Variants in EPB41L2 observed in about 807,000 individuals in gnomAD.
EPB41L2 encodes the protein erythrocyte membrane protein band 4.1 like 2, also known as band 4.1-like protein 2.
EPB41L2 carries 43 observed loss-of-function variants against 113.0 expected under a neutral mutation model. The observed-to-expected ratio is 0.38, with a 90% confidence interval of 0.30 to 0.49. EPB41L2 has a LOEUF of 0.49. EPB41L2 is among the 20% of genes least tolerant of loss of function. The probability of loss-of-function intolerance (pLI) is 0.95; values close to 1 mark genes in which losing one functional copy is unlikely to be tolerated. For synonymous variants in EPB41L2, 442 were observed against 436.7 expected (o/e 1.01, Z -0.15); for missense variants, 1,147 against 1,223.4 (o/e 0.94, Z 0.93).
At chr6:130,962,190 T>C (rs1320324385) in intron 1 of EPB41L2, among the ~76,000 whole-genome samples, 2 of 152,172 alleles carry the variant, frequency 1.3e-5, no homozygotes, top group Admixed American at 6.5e-5. Context: ...AGCAGCCACC[T>C]AACTCTACTT....
At chr6:130,925,735 T>C (rs1562501260) in intron 4 of EPB41L2, among the ~76,000 whole-genome samples, 1 of 152,184 alleles carries the variant, frequency 6.6e-6, no homozygotes, top group Non-Finnish European at 1.5e-5. Context: ...CCTTATAATT[T>C]ACAGTCTAAA....
chr6:130,853,367 CCA>C (rs1779309645), intron 19 of EPB41L2, among the ~76,000 whole-genome samples: 1 of 152,178 alleles, frequency 6.6e-6, no homozygotes, highest in South Asian at 2.1e-4. Flanking sequence ...ACAGATCACA[CCA>C]CCAAGCCTGG....
chr6:131,035,189 A>ACAACCTCT (rs1793042593), intron 1 of EPB41L2, among the ~76,000 whole-genome samples: 1 of 152,242 alleles, frequency 6.6e-6, no homozygotes, highest in African/African-American at 2.4e-5. Flanking sequence ...AGACAGTTTC[A>ACAACCTCT]GGACTACTTA....
At position 131,048,850 on chromosome 6, in the gene EPB41L2, A is replaced by G. The variant is rs527326090; in HGVS notation, c.-15+14305T>C. On this transcript the variant is annotated intron_variant, in intron 1 of 19. Transcript: ENST00000337057. ...AAAAACACTTCGATAATCAGATACTACATGGCTTTAAAAAAACCTAACCAA... is the reference window on the plus strand; with the variant it reads ...AAAAACACTTCGATAATCAGATACTGCATGGCTTTAAAAAAACCTAACCAA... 7.2e-5 allele frequency among the ~76,000 whole-genome samples: 11 copies of G among 152,304 alleles called. 1 individual carries two copies. The South Asian group carries it at 1.9e-3, about 26-fold the overall frequency.
chr6:130,991,571 C>G (rs929574006), intron 1 of EPB41L2, among the ~76,000 whole-genome samples: 2 of 152,210 alleles, frequency 1.3e-5, no homozygotes, highest in Non-Finnish European at 2.9e-5. Flanking sequence ...TTCGTTAAAA[C>G]AGCAATGTCC....
chr6:130,975,793 G>T (rs1283734114), intron 1 of EPB41L2, among the ~76,000 whole-genome samples: 1 of 152,198 alleles, frequency 6.6e-6, no homozygotes, highest in African/African-American at 2.4e-5. Flanking sequence ...GGAGGCCAAG[G>T]TGGGTGGATC....
At chr6:130,996,890 T>G (rs1297346899) in intron 1 of EPB41L2, among the ~76,000 whole-genome samples, 1 of 152,146 alleles carries the variant, frequency 6.6e-6, no homozygotes, top group Non-Finnish European at 1.5e-5. Flanking sequence ...TTTCAAAAAT[T>G]TAAATAAAGT....
intron 14 of EPB41L2, among the ~76,000 whole-genome samples, chr6:130,876,041 T>C (rs933055177): frequency 2.0e-5 from 3 of 151,322 alleles, no homozygotes; most frequent in Admixed American, 6.6e-5. Flanking sequence ...ACTATTTCCA[T>C]GTCTCCTCCA....
At chr6:130,993,075 A>G (rs1334558218) in intron 1 of EPB41L2, among the ~76,000 whole-genome samples, 1 of 152,210 alleles carries the variant, frequency 6.6e-6, no homozygotes, top group Non-Finnish European at 1.5e-5. Flanking sequence ...ATAGCTCCTT[A>G]AATCAGTTTT....
chr6:130,982,515 G>T (rs1167882822), intron 1 of EPB41L2, among the ~76,000 whole-genome samples: 1 of 152,080 alleles, frequency 6.6e-6, no homozygotes, highest in South Asian at 2.1e-4. Context: ...AAAAAATAGG[G>T]GGAAATAAAG....
At chr6:130,990,812 T>G (rs975223407) in intron 1 of EPB41L2, among the ~76,000 whole-genome samples, 1 of 149,732 alleles carries the variant, frequency 6.7e-6, no homozygotes, top group Non-Finnish European at 1.5e-5. Context: ...TATAACCTTA[T>G]TAACTATACA....
In EPB41L2 at chr6:130,908,881, A is replaced by T; in HGVS notation, c.811-18T>A. ...AACCAGTTCTGCATGAGGGAAAAAA[A>T]TTAATTCATAAGAAATATTCTAGAG... On this transcript the variant is annotated intron_variant, in intron 4 of 19. Transcript: ENST00000337057. 1 of 1,578,932 alleles carries T rather than the reference A, an allele frequency of 6.3e-7. No individual in the cohort carries two copies. The highest frequency in any genetic ancestry group is 8.7e-7 in the Non-Finnish European group (1 of 1,153,752).
In EPB41L2 at chr6:130,901,105, G is replaced by A. The variant is rs759783886; in HGVS notation, c.1005C>T (p.Leu335=). 2.5e-6 allele frequency: 4 copies of A among 1,614,086 alleles called. 1 individual carries two copies. In the South Asian group the frequency reaches 3.3e-5, roughly 13 times the overall value. ...RLPCSFVTHA[L]LGSYTLQAEL... ...CAGCCTGCAGGGTGTAGGATCCCAG[G>A]AGAGCATGAGTCACAAAAGAGCAGG... is the stretch of plus-strand genomic sequence containing the variant. The change falls in exon 7 of 20, where the codon CTC becomes CTT. Residue 335 remains leucine, a synonymous_variant. Transcript: ENST00000337057.
At chr6:131,034,119 T>C (rs187010723) in intron 1 of EPB41L2, among the ~76,000 whole-genome samples, 3 of 152,222 alleles carry the variant, frequency 2.0e-5, no homozygotes, top group African/African-American at 7.2e-5. Context: ...AGCATGCCAG[T>C]TTCTGAACAT....
At chr6:131,025,740 C>T (rs80211229) in intron 1 of EPB41L2, among the ~76,000 whole-genome samples, 7,397 of 152,180 alleles carry the variant, frequency 0.049, 312 homozygotes, top group African/African-American at 0.11. Flanking sequence ...CTCTCTACTC[C>T]AAACCCCCTA....
intron 3 of EPB41L2, among the ~76,000 whole-genome samples, chr6:130,929,625 T>C (rs889292158): frequency 3.9e-5 from 6 of 152,130 alleles, no homozygotes; most frequent in Admixed American, 1.3e-4. Context: ...GAAATTTATA[T>C]GCAACTGGCA....
chr6:130,860,745 A>G (rs914331275), intron 18 of EPB41L2, among the ~76,000 whole-genome samples: 6 of 151,984 alleles, frequency 3.9e-5, no homozygotes, highest in Non-Finnish European at 7.4e-5. Context: ...CGTGTTAGCC[A>G]GGATGGTCTC....
chr6:130,882,618 G>C (rs1789678438), intron 12 of EPB41L2: 1 of 152,820 alleles, frequency 6.5e-6, no homozygotes, highest in Non-Finnish European at 1.5e-5. Flanking sequence ...GATAGAGCCA[G>C]AGGAAGGGAA....
chr6:130,907,913 TCTCCTGGGACAA>T (rs1200758835), intron 5 of EPB41L2, among the ~76,000 whole-genome samples: 1 of 152,106 alleles, frequency 6.6e-6, no homozygotes, highest in Non-Finnish European at 1.5e-5. Context: ...AGAAGAGGTT[TCTCCTGGGACAA>T]CTCTGGGCTC....
Sources: allele counts gnomAD v4.1 joint callset (sites outside exome capture counted in the v4.1 genomes callset), GRCh38; gene constraint gnomAD v4.1.1; transcripts MANE v1.5; gene names NCBI Gene and HGNC (gene_info 2026-07-23, HGNC 2026-07-21).